PIEZO2: variants seen among roughly 807,000 people sequenced by gnomAD.
PIEZO2 encodes piezo type mechanosensitive ion channel component 2, also known as piezo-type mechanosensitive ion channel component 2.
Under a neutral mutation model 337.3 loss-of-function variants are expected in PIEZO2, and 172 were observed. The observed-to-expected ratio is 0.51, with a 90% CI of 0.45 to 0.58. The LOEUF is 0.58. PIEZO2 is among the 20% of genes least tolerant of loss of function. The pLI, the probability that PIEZO2 is intolerant of heterozygous loss-of-function variation, is 0.00. For missense variants in PIEZO2, 3,028 were observed against 3,391.3 expected, an observed-to-expected ratio of 0.89 and a Z score of 2.66; for synonymous variants, 1,251 against 1,228.5, an observed-to-expected ratio of 1.02 and a Z score of -0.38.
At chr18:10,751,858 T>C (rs1013643735) in intron 28 of PIEZO2, among the ~76,000 whole-genome samples, 1 of 152,180 alleles carries the variant, frequency 6.6e-6, no homozygotes, top group African/African-American at 2.4e-5. Flanking sequence ...AATGGTGTCG[T>C]TGTGTCCTGA....
At chr18:10,905,294 C>T (rs1306920275) in intron 4 of PIEZO2, among the ~76,000 whole-genome samples, 1 of 151,970 alleles carries the variant, frequency 6.6e-6, no homozygotes, top group African/African-American at 2.4e-5. Flanking sequence ...TATAAACTTA[C>T]AAGGTTGGCC....
At chr18:10,851,050 C>T (rs1322655987) in intron 7 of PIEZO2, among the ~76,000 whole-genome samples, 2 of 151,856 alleles carry the variant, frequency 1.3e-5, no homozygotes, top group Admixed American at 6.6e-5. Flanking sequence ...CTGGAGTCTC[C>T]GTGGTTATGA....
rs190710847 is a variant in PIEZO2, at chr18:10,727,174, C to G, written c.5029+4233G>C. 5.8e-5 allele frequency: 23 copies of G among 395,278 alleles called. No homozygotes were observed. Among genetic ancestry groups the G allele is most frequent in the African/African-American group, 4.2e-4 (20 of 47,904 alleles). The allele number at this position is 395,278 out of a possible 1,614,324, so 24.5% of individuals were successfully genotyped here. A position where few individuals can be genotyped will look rare whatever the true frequency, so the allele number is the denominator to read the frequency against. On this transcript the variant is annotated intron_variant, in intron 36 of 55. Transcript: ENST00000674853. This position sits in a 1 kb window ranked among gnomAD's most constrained non-coding sequence, Gnocchi z 6.3. ...TCTGGCAAACTGAGTCGCCCTCCTG[C>G]CTCCAGCTCTGTGTTGAGCAGAGGG...
intron 1 of PIEZO2, among the ~76,000 whole-genome samples, chr18:11,137,827 G>C (rs895667580): frequency 6.6e-6 from 1 of 152,204 alleles, no homozygotes; most frequent in Non-Finnish European, 1.5e-5. Flanking sequence ...GCCCTAGAGG[G>C]TTTGACCGCA....
intron 4 of PIEZO2, among the ~76,000 whole-genome samples, chr18:10,908,145 A>C (rs2030127847): frequency 1.3e-5 from 2 of 152,236 alleles, no homozygotes; most frequent in African/African-American, 4.8e-5. Context: ...CCAGAGAGAC[A>C]ACTGAACAAC....
intron 1 of PIEZO2, among the ~76,000 whole-genome samples, chr18:11,093,687 G>C (rs9950733): frequency 0.3 from 45,413 of 149,298 alleles, 7,219 homozygotes; most frequent in South Asian, 0.51. Flanking sequence ...CCCGGGTTCA[G>C]GCCATTCTCC....
chr18:11,148,528 C>A lies in PIEZO2; in HGVS notation c.61G>T (p.Val21Leu). 1.3e-6 allele frequency: 2 copies of A among 1,537,226 alleles called. No homozygotes were observed. Among genetic ancestry groups the A allele is most frequent in the Non-Finnish European group, 1.7e-6 (2 of 1,146,916 alleles). Residue 21 changes from valine to leucine, a missense_variant, in exon 1 of 56, where the codon GTA becomes TTA. Physicochemically the swap from Val to Leu is conservative, Grantham distance 32. Transcript: ENST00000674853. This position sits in a 1 kb window ranked among gnomAD's most constrained non-coding sequence, Gnocchi z 5.2. ...FRLLLPICLAVACAFRYNGLS... is the reference protein window; with the variant it reads ...FRLLLPICLALACAFRYNGLS... ...TCGGAAAGCGGACCAGACTCACCTA[C>A]TGCCAGGCAGATGGGCAGCAGCAGC...
At chr18:11,122,997 G>GT (rs150277513) in intron 1 of PIEZO2, among the ~76,000 whole-genome samples, 82,879 of 147,714 alleles carry the variant, frequency 0.56, 26,101 homozygotes, top group Non-Finnish European at 0.7. Flanking sequence ...ATAATGTGCG[G>GT]CTTTTTCCCA....
chr18:11,103,732 G>C (rs1376701996), intron 1 of PIEZO2, among the ~76,000 whole-genome samples: 2 of 152,042 alleles, frequency 1.3e-5, no homozygotes, highest in African/African-American at 4.8e-5. Flanking sequence ...CAAAGTGTAA[G>C]TTTCAACAAA....
intron 2 of PIEZO2, among the ~76,000 whole-genome samples, chr18:10,991,727 T>A (rs1237219484): frequency 6.6e-6 from 1 of 152,174 alleles, no homozygotes; most frequent in Non-Finnish European, 1.5e-5. Context: ...TGATTTATAA[T>A]CCTTGGGGTA....
In PIEZO2 at chr18:11,111,542, G is replaced by GC. The variant is rs1316384330; in HGVS notation, c.64+36982dup. Among the ~76,000 whole-genome samples, 1 of 152,168 alleles carries GC rather than the reference G, an allele frequency of 6.6e-6. No individual in the cohort carries two copies. The highest frequency in any genetic ancestry group is 2.4e-5 in the African/African-American group (1 of 41,440). On this transcript the variant is annotated intron_variant, in intron 1 of 55. Transcript: ENST00000674853. The surrounding 1 kb of genome is among the most constrained non-coding windows in gnomAD (Gnocchi z 6.2). ...GGCCCTCCAAATCTGTGATGCCGTGGCCATTCTCTATACCACCTTCAGGGC... is the reference window on the plus strand; with the variant it reads ...GGCCCTCCAAATCTGTGATGCCGTGGCCCATTCTCTATACCACCTTCAGGGC...
At chr18:10,721,222 T>C (rs894719508) in intron 36 of PIEZO2, among the ~76,000 whole-genome samples, 2 of 152,186 alleles carry the variant, frequency 1.3e-5, no homozygotes, top group African/African-American at 4.8e-5. Context: ...TGCTCCTCTG[T>C]AGAGCAGGGA....
intron 2 of PIEZO2, among the ~76,000 whole-genome samples, chr18:11,060,793 AC>A (rs1164203824): frequency 6.6e-6 from 1 of 152,220 alleles, no homozygotes; most frequent in Non-Finnish European, 1.5e-5. Context: ...AAAGTCCAGG[AC>A]CAGATGGATT....
intron 32 of PIEZO2, 141 bp from the exon 33 acceptor site, chr18:10,741,243 C>A: frequency 3.0e-6 from 2 of 670,520 alleles, no homozygotes; most frequent in Non-Finnish European, 5.0e-6. Context: ...TATACTGAAT[C>A]TGAAAAATAT....
At chr18:10,925,924 G>T (rs1249812385) in intron 3 of PIEZO2, among the ~76,000 whole-genome samples, 1 of 152,144 alleles carries the variant, frequency 6.6e-6, no homozygotes, top group Non-Finnish European at 1.5e-5. Flanking sequence ...AGTGACGGAT[G>T]AACTGTAATC....
Position 10,731,499 on chromosome 18 carries a change from G to A in PIEZO2, c.4937C>T (p.Thr1646Ile). 6.5e-7 allele frequency: 1 copy of A among 1,531,226 alleles called. No individual in the cohort carries two copies. The highest frequency in any genetic ancestry group is 8.7e-7 in the Non-Finnish European group (1 of 1,144,002). 94.9% of individuals were successfully genotyped at this position (1,531,226 alleles called of 1,614,324 possible). ...TTGTCGGAGTGCTGTTTTAGGATCAGTAATCCAGGCTTGATAAACAAACTG... is the reference window on the plus strand; with the variant it reads ...TTGTCGGAGTGCTGTTTTAGGATCAATAATCCAGGCTTGATAAACAAACTG... ...AAKFVYQAWI[T>I]DPKTALRQRH... Residue 1646 changes from threonine (T) to isoleucine (I), a missense_variant, in exon 36 of 56, where the codon ACT becomes ATT. Transcript: ENST00000674853.
rs1350894175 is a variant in PIEZO2, at chr18:10,769,254, C to T, written c.2946+894G>A. Among the ~76,000 whole-genome samples, 3 of 152,346 alleles carry T rather than the reference C, an allele frequency of 2.0e-5. No homozygotes were observed. The East Asian group carries it at 5.8e-4, about 29-fold the overall frequency. On this transcript the variant is annotated intron_variant, in intron 21 of 55. Transcript: ENST00000674853. ...CAGTGACTTAACATTGGAGCCGCTG[C>T]CATTTCCCCACGAATCTCGCAGATA...
intron 43 of PIEZO2, among the ~76,000 whole-genome samples, chr18:10,701,649 G>A (rs1362563307): frequency 6.6e-6 from 1 of 152,144 alleles, no homozygotes; most frequent in East Asian, 1.9e-4. Context: ...TAGTGTATCC[G>A]GCCTTAGAAT....
rs2041363958 is a variant in PIEZO2 at position 10,846,392 on chromosome 18, T to C, written c.917+8961A>G. Reference sequence around the variant, plus strand: ...ATCACCTCCCACCGGGGATGAGATTTGGGTGGGGTCATAGCAAAACCTATC... The same window carrying C: ...ATCACCTCCCACCGGGGATGAGATTCGGGTGGGGTCATAGCAAAACCTATC... On this transcript the variant is annotated intron_variant, in intron 7 of 55. Transcript: ENST00000674853. The surrounding 1 kb of genome is among the most constrained non-coding windows in gnomAD (Gnocchi z 4.1). 6.6e-6 allele frequency among the ~76,000 whole-genome samples: 1 copy of C among 152,314 alleles called. No homozygotes were observed. The highest frequency in any genetic ancestry group is 1.9e-4 in the East Asian group (1 of 5,192).
Sources: allele counts gnomAD v4.1 joint callset (sites outside exome capture counted in the v4.1 genomes callset), GRCh38; gene constraint gnomAD v4.1.1; non-coding constraint Gnocchi (gnomAD v3.1); transcripts MANE v1.5; gene names NCBI Gene and HGNC (gene_info 2026-07-23, HGNC 2026-07-21).